NT5DC1: variants seen among roughly 807,000 people sequenced by gnomAD.
NT5DC1 encodes 5'-nucleotidase domain-containing protein 1.
In NT5DC1, 42 loss-of-function variants were observed where a neutral mutation model predicts 59.4. That is an observed-to-expected ratio of 0.71 (90% CI 0.55 to 0.92). The LOEUF (loss-of-function observed/expected upper bound fraction) is 0.92. Among genes scored for constraint, NT5DC1 ranks in the 40% least tolerant of loss-of-function variants. The probability of loss-of-function intolerance (pLI) is 0.00; values close to 1 mark genes in which losing one functional copy is unlikely to be tolerated. For missense variants in NT5DC1, 501 were observed against 537.1 expected (o/e 0.93, Z 0.66); for synonymous variants, 172 against 188.1 (o/e 0.91, Z 0.70).
In NT5DC1 at chr6:116,121,148, C is replaced by T. The variant is rs764389185; in HGVS notation, c.529+3203C>T. 21 of 1,613,202 alleles carry T rather than the reference C, an allele frequency of 1.3e-5. No individual in the cohort carries two copies. The highest frequency in any genetic ancestry group is 1.7e-5 in the Non-Finnish European group (20 of 1,179,662). ...AGGAAGACCTGCTGGCCCTTGTTCC[C>T]CTTTGGCACCTGGACCCCCAGGAAG... On this transcript the variant is annotated intron_variant, in intron 6 of 11. Coordinates refer to ENST00000319550, the MANE Select transcript of NT5DC1 (RefSeq NM_152729.3).
intron 6 of NT5DC1, among the ~76,000 whole-genome samples, chr6:116,188,280 G>C (rs959697888): frequency 6.6e-6 from 1 of 151,994 alleles, no homozygotes; most frequent in Non-Finnish European, 1.5e-5. Flanking sequence ...AAATTGTTGA[G>C]TATTATCCTA....
At chr6:116,170,062 T>C (rs1780569924) in intron 6 of NT5DC1, among the ~76,000 whole-genome samples, 1 of 152,180 alleles carries the variant, frequency 6.6e-6, no homozygotes, top group Non-Finnish European at 1.5e-5. Flanking sequence ...TAAGCGACAT[T>C]GTCCATAGCT....
chr6:116,226,773 A>G (rs1781919330), intron 8 of NT5DC1, among the ~76,000 whole-genome samples: 1 of 152,092 alleles, frequency 6.6e-6, no homozygotes, highest in Admixed American at 6.5e-5. Context: ...ATTTTAAAAA[A>G]TTGTTTTACA....
intron 6 of NT5DC1, among the ~76,000 whole-genome samples, chr6:116,155,283 A>G (rs570851818): frequency 7.2e-5 from 11 of 152,278 alleles, no homozygotes; most frequent in Non-Finnish European, 1.5e-4. Context: ...TGCTCCAGAT[A>G]TCTGGGATAA....
intron 6 of NT5DC1, among the ~76,000 whole-genome samples, chr6:116,195,903 A>G (rs1582867116): frequency 6.6e-6 from 1 of 152,014 alleles, no homozygotes; most frequent in Admixed American, 6.6e-5. Flanking sequence ...CAAGTTGGAA[A>G]GGGGGAAGGT....
intron 6 of NT5DC1, among the ~76,000 whole-genome samples, chr6:116,138,380 G>T (rs1779675230): frequency 6.6e-6 from 1 of 152,126 alleles, no homozygotes; most frequent in African/African-American, 2.4e-5. Context: ...TACTGTGTTG[G>T]CTATTCCTTG....
chr6:116,229,857 A>G (rs1368868352), intron 8 of NT5DC1, among the ~76,000 whole-genome samples: 3 of 151,810 alleles, frequency 2.0e-5, no homozygotes, highest in Non-Finnish European at 4.4e-5. Context: ...CTGACTCCCA[A>G]ATCTTTCCCT....
chr6:116,231,422 A>G (rs2114553388), intron 8 of NT5DC1, among the ~76,000 whole-genome samples: 1 of 152,294 alleles, frequency 6.6e-6, no homozygotes, highest in Non-Finnish European at 1.5e-5. Context: ...CTAGAAATAA[A>G]AATTGTAAAT....
At chr6:116,172,372 A>G (rs1345111490) in intron 6 of NT5DC1, among the ~76,000 whole-genome samples, 1 of 127,600 alleles carries the variant, frequency 7.8e-6, no homozygotes, top group Non-Finnish European at 1.6e-5. Context: ...CCCAGGCTGG[A>G]GTGCAGTGCC....
chr6:116,181,384 A>T (rs955794747), intron 6 of NT5DC1, among the ~76,000 whole-genome samples: 6 of 152,126 alleles, frequency 3.9e-5, no homozygotes, highest in African/African-American at 1.4e-4. Flanking sequence ...TTATCAGTTT[A>T]ATTTATGATA....
intron 6 of NT5DC1, among the ~76,000 whole-genome samples, chr6:116,213,370 T>G (rs1218651230): frequency 2.0e-5 from 3 of 152,070 alleles, no homozygotes; most frequent in Non-Finnish European, 4.4e-5. Context: ...CCTCACAGCA[T>G]CTCAGGTAGC....
At chr6:116,108,468 A>G (rs56116396) in intron 3 of NT5DC1, 33 bp downstream of exon 3, 43,769 of 1,249,408 alleles carry the variant, frequency 0.035, 1,056 homozygotes, top group African/African-American at 0.091. Context: ...TCTAAACTTT[A>G]CCTTCTCTGA....
rs181365618 is a variant in NT5DC1 at position 116,206,952 on chromosome 6, T to C, written c.530-14102T>C. 5.1e-3 allele frequency among the ~76,000 whole-genome samples: 780 copies of C among 152,120 alleles called. 7 individuals carry two copies. The highest frequency in any genetic ancestry group is 0.017 in the African/African-American group (718 of 41,544). ...ATTTTAAATGTTTTCTTCTTGTTTA[T>C]TGAGTAATTCTAGAATTTAAAGTTC... On this transcript the variant is annotated intron_variant, in intron 6 of 11. Transcript: ENST00000319550.
In NT5DC1 at chr6:116,186,080, G is replaced by A. The variant is rs114077297; in HGVS notation, c.530-34974G>A. ...TCTCTTTTGGTAATGGCAAATTCTCGCAGCATTTGTTTGTCTAAAAAAGAC... is the reference window on the plus strand; with the variant it reads ...TCTCTTTTGGTAATGGCAAATTCTCACAGCATTTGTTTGTCTAAAAAAGAC... On this transcript the variant is annotated intron_variant, in intron 6 of 11. Coordinates refer to ENST00000319550, the MANE Select transcript of NT5DC1 (RefSeq NM_152729.3). Among the ~76,000 whole-genome samples, 1,433 of 151,974 alleles carry A rather than the reference G, an allele frequency of 9.4e-3. 17 individuals are homozygous for A. The highest frequency in any genetic ancestry group is 0.031 in the African/African-American group (1,303 of 41,488).
At chr6:116,128,025 C>A (rs1044477330) in intron 6 of NT5DC1, among the ~76,000 whole-genome samples, 3 of 152,064 alleles carry the variant, frequency 2.0e-5, no homozygotes, top group African/African-American at 7.2e-5. Flanking sequence ...TTGAGGTATT[C>A]TGCTGTTCTC....
intron 6 of NT5DC1, among the ~76,000 whole-genome samples, chr6:116,169,823 T>A (rs1338042395): frequency 6.6e-6 from 1 of 152,276 alleles, no homozygotes; most frequent in South Asian, 2.1e-4. Context: ...TGTGTATAGA[T>A]GATATTTATG....
At chr6:116,143,646 T>C (rs977391934) in intron 6 of NT5DC1, among the ~76,000 whole-genome samples, 12 of 152,224 alleles carry the variant, frequency 7.9e-5, no homozygotes, top group African/African-American at 2.7e-4. Flanking sequence ...TGCCATTTTT[T>C]ATTGCTGTTA....
At chr6:116,216,002 A>G (rs1236830226) in intron 6 of NT5DC1, among the ~76,000 whole-genome samples, 2 of 152,156 alleles carry the variant, frequency 1.3e-5, no homozygotes, top group South Asian at 2.1e-4. Context: ...GAATTCCATA[A>G]TATACACTTT....
chr6:116,243,512 A>G (rs1487400878), intron 11 of NT5DC1, among the ~76,000 whole-genome samples: 1 of 152,230 alleles, frequency 6.6e-6, no homozygotes, highest in Non-Finnish European at 1.5e-5. Context: ...TGGGAGAAAG[A>G]ATAAAATTAA....
Sources: gnomAD v4.1 joint callset for allele counts (sites outside exome capture counted in the v4.1 genomes callset) on GRCh38, gnomAD v4.1.1 for gene constraint, MANE v1.5 for transcripts, NCBI Gene and HGNC (gene_info 2026-07-23, HGNC 2026-07-21) for gene names.